Variants in CHCHD6 observed in about 807,000 individuals in gnomAD.
The protein encoded by CHCHD6 is MICOS complex subunit MIC25.
Under a neutral mutation model 32.3 loss-of-function variants are expected in CHCHD6, and 28 were observed. The observed-to-expected ratio is 0.87, with a 90% CI of 0.64 to 1.19. The LOEUF (loss-of-function observed/expected upper bound fraction) is 1.19. CHCHD6 is among the 50% of genes most tolerant of loss of function. The pLI is 0.00. For missense variants in CHCHD6, 333 were observed against 307.0 expected (o/e 1.08, Z -0.63); for synonymous variants, 122 against 117.5 (o/e 1.04, Z -0.25).
At chr3:126,863,446 T>A (rs1405574851) in intron 5 of CHCHD6, among the ~76,000 whole-genome samples, 1 of 131,608 alleles carries the variant, frequency 7.6e-6, no homozygotes, top group Non-Finnish European at 1.6e-5. Context: ...CATCACCTCC[T>A]CCTCCCCCAC....
intron 5 of CHCHD6, among the ~76,000 whole-genome samples, chr3:126,909,067 C>G (rs889659895): frequency 1.3e-5 from 2 of 152,196 alleles, no homozygotes; most frequent in Non-Finnish European, 2.9e-5. Context: ...CCTCAAGTGC[C>G]GTGACCCTCT....
At chr3:126,913,017 T>TGG (rs2078115205) in intron 5 of CHCHD6, among the ~76,000 whole-genome samples, 1 of 152,154 alleles carries the variant, frequency 6.6e-6, no homozygotes, top group Non-Finnish European at 1.5e-5. Flanking sequence ...GCTAGCTGTG[T>TGG]GCCTGGTGGG....
chr3:126,910,921 A>G (rs1238786765), intron 5 of CHCHD6, among the ~76,000 whole-genome samples: 1 of 152,176 alleles, frequency 6.6e-6, no homozygotes, highest in Non-Finnish European at 1.5e-5. Flanking sequence ...TCGCCCTGAC[A>G]AGGACGGGGT....
chr3:126,932,096 G>T (rs2078414606), intron 6 of CHCHD6, among the ~76,000 whole-genome samples: 1 of 152,210 alleles, frequency 6.6e-6, no homozygotes, highest in African/African-American at 2.4e-5. Flanking sequence ...GAGCACGGAG[G>T]CTCCAGTGAG....
intron 4 of CHCHD6, among the ~76,000 whole-genome samples, chr3:126,734,617 G>A (rs978989859): frequency 6.6e-6 from 1 of 152,320 alleles, no homozygotes; most frequent in African/African-American, 2.4e-5. Context: ...TTTAGTCTGT[G>A]GAGAAGACAA....
intron 4 of CHCHD6, among the ~76,000 whole-genome samples, chr3:126,823,775 G>C (rs185939480): frequency 8.5e-5 from 13 of 152,302 alleles, no homozygotes; most frequent in Non-Finnish European, 5.9e-5. Flanking sequence ...GGCCAGGCAT[G>C]GTGGCTCACG....
intron 5 of CHCHD6, among the ~76,000 whole-genome samples, chr3:126,863,260 A>G (rs1315929827): frequency 9.7e-6 from 1 of 103,372 alleles, no homozygotes; most frequent in Non-Finnish European, 2.1e-5. Flanking sequence ...CTCCTCCTCC[A>G]CCATCACAAC....
chr3:126,724,551 A>G (rs1430549492), intron 1 of CHCHD6, among the ~76,000 whole-genome samples: 1 of 152,164 alleles, frequency 6.6e-6, no homozygotes, highest in Non-Finnish European at 1.5e-5. Flanking sequence ...CTGCTGACTG[A>G]TCAGGATGGT....
At chr3:126,806,298 C>T (rs1226919139) in intron 4 of CHCHD6, among the ~76,000 whole-genome samples, 1 of 152,184 alleles carries the variant, frequency 6.6e-6, no homozygotes, top group Non-Finnish European at 1.5e-5. Context: ...TCGCACCCTA[C>T]TCATCTGACA....
chr3:126,933,266 G>C (rs1385651082), intron 6 of CHCHD6, among the ~76,000 whole-genome samples: 2 of 152,136 alleles, frequency 1.3e-5, no homozygotes, highest in Non-Finnish European at 2.9e-5. Flanking sequence ...GTTCCCCAAG[G>C]CTTCTCTGGT....
intron 3 of CHCHD6, 114 bp downstream of exon 3, chr3:126,730,744 A>G: frequency 1.3e-6 from 1 of 797,494 alleles, no homozygotes; most frequent in Non-Finnish European, 2.0e-6. Flanking sequence ...CACATAATTA[A>G]TCTCAGTTGC....
intron 4 of CHCHD6, among the ~76,000 whole-genome samples, chr3:126,800,796 G>C (rs1396711793): frequency 6.6e-6 from 1 of 152,152 alleles, no homozygotes; most frequent in Non-Finnish European, 1.5e-5. Context: ...AAGAAAACAG[G>C]CTTAACCACA....
chr3:126,901,836 T>C (rs2077932132), intron 5 of CHCHD6, among the ~76,000 whole-genome samples: 1 of 152,184 alleles, frequency 6.6e-6, no homozygotes, highest in Non-Finnish European at 1.5e-5. Flanking sequence ...CGAGTGAAAG[T>C]GGTACCAGTA....
rs1043994256 is a variant in CHCHD6 at position 126,778,656 on chromosome 3, C to T, written c.411+45434C>T. On this transcript the variant is annotated intron_variant, in intron 4 of 7. Coordinates refer to ENST00000290913, the MANE Select transcript of CHCHD6 (RefSeq NM_032343.3). ...CTGAAGGAGGTTTTTTTGATATGTT[C>T]TGGATAGTAATCCTTTGAGATAATG... is the stretch of plus-strand genomic sequence containing the variant. Among the ~76,000 whole-genome samples, 13 of 152,228 alleles carry T rather than the reference C, an allele frequency of 8.5e-5. No individual in the cohort carries two copies. In the South Asian group the frequency reaches 1.2e-3, roughly 15 times the overall value.
chr3:126,730,419 G>T (rs536187921), intron 2 of CHCHD6, 142 bp from the exon 3 acceptor site: 2 of 646,626 alleles, frequency 3.1e-6, no homozygotes, highest in Admixed American at 2.7e-5. Context: ...CCCTGTGGAC[G>T]CTCCTTTGTG....
chr3:126,748,055 T>TA (rs1936574737), intron 4 of CHCHD6, among the ~76,000 whole-genome samples: 1 of 151,994 alleles, frequency 6.6e-6, no homozygotes, highest in African/African-American at 2.4e-5. Context: ...CCTCTCCTCT[T>TA]AAAAGGGGCC....
intron 4 of CHCHD6, among the ~76,000 whole-genome samples, chr3:126,819,435 A>G (rs1017425709): frequency 2.0e-5 from 3 of 152,222 alleles, no homozygotes; most frequent in Non-Finnish European, 2.9e-5. Flanking sequence ...GATTCTTTGC[A>G]AAGAAAAAGA....
chr3:126,908,875 C>G (rs2078042853), intron 5 of CHCHD6, among the ~76,000 whole-genome samples: 1 of 152,226 alleles, frequency 6.6e-6, no homozygotes, highest in South Asian at 2.1e-4. Context: ...AGATAAGAAG[C>G]TGAAGAAACA....
chr3:126,835,717 A>G (rs1468087786), intron 4 of CHCHD6, among the ~76,000 whole-genome samples: 1 of 151,926 alleles, frequency 6.6e-6, no homozygotes, highest in South Asian at 2.1e-4. Flanking sequence ...CTCCCTCCCC[A>G]TCTCTCTCTT....
Sources: allele counts gnomAD v4.1 joint callset (sites outside exome capture counted in the v4.1 genomes callset), GRCh38; gene constraint gnomAD v4.1.1; transcripts MANE v1.5; gene names NCBI Gene and HGNC (gene_info 2026-07-23, HGNC 2026-07-21).